The following RAPGEF6 variants were observed in gnomAD, a reference collection of about 807,000 sequenced individuals.
The protein encoded by RAPGEF6 is Rap guanine nucleotide exchange factor 6.
In RAPGEF6, 56 loss-of-function variants were observed where a neutral mutation model predicts 171.4. The ratio of observed to expected loss-of-function variants is 0.33; its 90% CI spans 0.26 to 0.41. RAPGEF6 has a LOEUF of 0.41. RAPGEF6 is among the 10% of genes least tolerant of loss of function. The probability of loss-of-function intolerance (pLI) is 1.00; values close to 1 mark genes in which losing one functional copy is unlikely to be tolerated. For synonymous variants in RAPGEF6, 692 were observed against 650.1 expected (o/e 1.06, Z -0.98); for missense variants, 1,674 against 1,921.4 (o/e 0.87, Z 2.41).
intron 1 of RAPGEF6, among the ~76,000 whole-genome samples, chr5:131,609,596 A>C (rs774307926): frequency 5.9e-5 from 9 of 152,164 alleles, no homozygotes; most frequent in African/African-American, 1.9e-4. Flanking sequence ...CAACAATATA[A>C]ACTTCCACTT....
rs766138330 is a variant in RAPGEF6 at position 131,505,506 on chromosome 5, A to G, written c.959T>C (p.Val320Ala). The G allele has an allele frequency of 6.2e-7, 1 of 1,613,346 alleles. No individual in the cohort carries two copies. Among genetic ancestry groups the G allele is most frequent in the Admixed American group, 1.7e-5 (1 of 60,004 alleles). The change falls in exon 10 of 28, where the codon GTT becomes GCT. Residue 320 changes from valine to alanine, a missense_variant. Around this residue, in one of 3 missense-constraint regions of RAPGEF6, gnomAD observed 1,116 missense variants for 1,321.5 expected, o/e 0.84. Transcript: ENST00000509018. ...EDGQELDSWY[V>A]ILNGTVEISH... ...GATTTCCACAGTGCCGTTTAAAATA[A>G]CATACCATGAGTCAAGCTATAGAGA...
intron 4 of RAPGEF6, among the ~76,000 whole-genome samples, chr5:131,563,860 G>A (rs1761761128): frequency 6.6e-6 from 1 of 151,966 alleles, no homozygotes; most frequent in African/African-American, 2.4e-5. Flanking sequence ...CCAAATTCTT[G>A]TATCACCTAA....
At chr5:131,546,032 G>A (rs1425042665) in intron 6 of RAPGEF6, among the ~76,000 whole-genome samples, 1 of 152,144 alleles carries the variant, frequency 6.6e-6, no homozygotes, top group Non-Finnish European at 1.5e-5. Flanking sequence ...CAGTACAGAG[G>A]AGGGCTAAAA....
chr5:131,550,718 G>T (rs1205985349), intron 5 of RAPGEF6, among the ~76,000 whole-genome samples: 1 of 152,116 alleles, frequency 6.6e-6, no homozygotes, highest in Non-Finnish European at 1.5e-5. Flanking sequence ...CTCAGACCTC[G>T]ATTGGCTTAT....
rs747022957 is a variant in RAPGEF6, at chr5:131,461,902, A to T, written c.2667T>A (p.Phe889Leu). Residue 889 changes from phenylalanine (F) to leucine (L), a missense_variant, in exon 19 of 28, where the codon TTT (phenylalanine) becomes TTA (leucine). Around this residue, in one of 3 missense-constraint regions of RAPGEF6, gnomAD observed 1,116 missense variants for 1,321.5 expected, o/e 0.84. Transcript: ENST00000509018. ...TATTTCCTGTTTTGGAATTTAACTT[A>T]AAAAGGTCATCGATGTACTCAGTCG... ...IEPTEYIDDL[F>L]KLNSKTGNTH... 6.2e-7 allele frequency: 1 copy of T among 1,614,118 alleles called. No homozygotes were observed. Among genetic ancestry groups the T allele is most frequent in the Admixed American group, 1.7e-5 (1 of 60,016 alleles).
At chr5:131,593,003 C>A (rs1020778382) in intron 3 of RAPGEF6, among the ~76,000 whole-genome samples, 1 of 152,130 alleles carries the variant, frequency 6.6e-6, no homozygotes, top group African/African-American at 2.4e-5. Context: ...TCAGTACTCA[C>A]AGAAATGCAT....
At chr5:131,618,106 C>CA (rs1272281142) in intron 1 of RAPGEF6, among the ~76,000 whole-genome samples, 7 of 151,910 alleles carry the variant, frequency 4.6e-5, no homozygotes, top group Admixed American at 3.9e-4. Context: ...TGCCAGAAAG[C>CA]AAAAAAGTAC....
intron 5 of RAPGEF6, among the ~76,000 whole-genome samples, chr5:131,560,824 T>C (rs1344468757): frequency 1.3e-5 from 2 of 152,256 alleles, no homozygotes; most frequent in Non-Finnish European, 2.9e-5. Context: ...GATAGTGAGT[T>C]CATGGTTATA....
intron 5 of RAPGEF6, among the ~76,000 whole-genome samples, chr5:131,554,346 G>C (rs964996981): frequency 6.6e-6 from 1 of 152,124 alleles, no homozygotes; most frequent in Non-Finnish European, 1.5e-5. Flanking sequence ...TATTAGGACG[G>C]TCTCATATAT....
rs1751546561 is a variant in RAPGEF6 at position 131,429,113 on chromosome 5, G to A, written c.4569C>T (p.Pro1523=). Reference sequence around the variant, plus strand: ...AATCTGGAGGTTTTAGGTGTGTGTGGGGTCCTTCCTTTAGGTCCGCTAAAG... The same window carrying A: ...AATCTGGAGGTTTTAGGTGTGTGTGAGGTCCTTCCTTTAGGTCCGCTAAAG... ...GISLADLKEG[P]HTHLKPPDYS... The change falls in exon 27 of 28, where the codon CCC becomes CCT. Residue 1523 remains proline (P), a synonymous_variant. Transcript: ENST00000509018. 1.2e-6 allele frequency: 2 copies of A among 1,613,952 alleles called. No homozygotes were observed. Among genetic ancestry groups the A allele is most frequent in the South Asian group, 2.2e-5 (2 of 91,084 alleles).
intron 9 of RAPGEF6, among the ~76,000 whole-genome samples, chr5:131,505,728 CA>C (rs1228938465): frequency 6.6e-6 from 1 of 152,108 alleles, no homozygotes; most frequent in African/African-American, 2.4e-5. Flanking sequence ...TTTTAGTCAC[CA>C]AACAAGAACT....
chr5:131,471,482 T>G (rs2149846141), intron 17 of RAPGEF6, among the ~76,000 whole-genome samples: 1 of 152,306 alleles, frequency 6.6e-6, no homozygotes, highest in Non-Finnish European at 1.5e-5. Flanking sequence ...CTTTCTACAC[T>G]AGCTGCTAGG....
intron 5 of RAPGEF6, among the ~76,000 whole-genome samples, chr5:131,559,179 A>ATT (rs1761432419): frequency 6.6e-6 from 1 of 152,042 alleles, no homozygotes. Flanking sequence ...AAATACAAAA[A>ATT]TTAGCTGCAC....
intron 19 of RAPGEF6, among the ~76,000 whole-genome samples, chr5:131,460,671 G>A (rs1753858766): frequency 6.6e-6 from 1 of 152,124 alleles, no homozygotes; most frequent in Admixed American, 6.5e-5. Flanking sequence ...ATATGGGAGA[G>A]GCAGGATTCA....
intron 5 of RAPGEF6, 67 bp from the exon 6 acceptor site, chr5:131,548,257 T>C: frequency 6.6e-7 from 1 of 1,508,670 alleles, no homozygotes; most frequent in Non-Finnish European, 9.1e-7. Flanking sequence ...ATCTATGGAG[T>C]CTTAACAGAC....
intron 6 of RAPGEF6, among the ~76,000 whole-genome samples, chr5:131,528,320 T>TATATATATATAC (rs1428846556): frequency 3.6e-4 from 18 of 49,852 alleles, no homozygotes; most frequent in African/African-American, 1.2e-3. Flanking sequence ...ATATTATATA[T>TATATATATATAC]ATATATATAT....
intron 21 of RAPGEF6, among the ~76,000 whole-genome samples, chr5:131,448,943 A>G (rs1248005764): frequency 6.6e-6 from 1 of 152,186 alleles, no homozygotes; most frequent in Non-Finnish European, 1.5e-5. Flanking sequence ...CATGGGAAAC[A>G]CACAGAGAAG....
rs1429418280 is a variant in RAPGEF6, at chr5:131,498,577, T to C, written c.1285A>G (p.Ile429Val). ...ATPERLIMHL[I>V]EEHSIVDPTY... ...GGATCCACGATGGAATGTTCTTCTATTAAATGCATTATGAGACGCTCAGGT... is the reference window on the plus strand; with the variant it reads ...GGATCCACGATGGAATGTTCTTCTACTAAATGCATTATGAGACGCTCAGGT... The change falls in exon 12 of 28, where the codon ATA becomes GTA. Residue 429 changes from isoleucine (I) to valine (V), a missense_variant. By Grantham distance (29) the Ile-to-Val change is conservative. This residue lies in a region of RAPGEF6 where 1,116 missense variants were observed against 1,321.5 expected (regional missense o/e 0.84). Transcript: ENST00000509018. 1.2e-6 allele frequency: 2 copies of C among 1,613,658 alleles called. No individual in the cohort carries two copies. The highest frequency in any genetic ancestry group is 1.7e-5 in the Admixed American group (1 of 59,974).
chr5:131,499,268 G>A (rs1756849858), intron 11 of RAPGEF6, among the ~76,000 whole-genome samples: 1 of 152,122 alleles, frequency 6.6e-6, no homozygotes, highest in African/African-American at 2.4e-5. Context: ...TTAAATGCTT[G>A]TTTCCAACTT....
Sources: allele counts gnomAD v4.1 joint callset (sites outside exome capture counted in the v4.1 genomes callset), GRCh38; gene constraint gnomAD v4.1.1; regional missense constraint gnomAD v4.1.1; transcripts MANE v1.5; gene names NCBI Gene and HGNC (gene_info 2026-07-23, HGNC 2026-07-21).